Variants in AIG1 observed in about 807,000 individuals in gnomAD.
The protein encoded by AIG1 is androgen-induced gene 1 protein.
AIG1 carries 23 observed loss-of-function variants against 31.4 expected under a neutral mutation model. The ratio of observed to expected loss-of-function variants is 0.73; its 90% CI spans 0.53 to 1.04. AIG1 has a LOEUF of 1.04. Ranked by LOEUF, AIG1 falls within the 50% of genes least tolerant of loss-of-function variation. AIG1 has a pLI of 0.00. For synonymous variants in AIG1, 100 were observed against 110.5 expected (o/e 0.90, Z 0.60); for missense variants, 274 against 295.0 (o/e 0.93, Z 0.52).
chr6:143,272,191 C>T (rs953307876), intron 3 of AIG1, among the ~76,000 whole-genome samples: 4 of 151,990 alleles, frequency 2.6e-5, no homozygotes, highest in African/African-American at 7.3e-5. Flanking sequence ...AGTGGGAACA[C>T]GAAAAAGAGG....
At position 143,306,847 on chromosome 6, in the gene AIG1, A is replaced by G. The variant is rs531565470; in HGVS notation, c.515+22622A>G. ...TCACTTTCAGGTACACCAATCAGACATAGATTTGGTCTTTTCACATAGTCC... is the reference window on the plus strand; with the variant it reads ...TCACTTTCAGGTACACCAATCAGACGTAGATTTGGTCTTTTCACATAGTCC... On this transcript the variant is annotated intron_variant, in intron 4 of 5. Transcript: ENST00000357847. 4.2e-3 allele frequency among the ~76,000 whole-genome samples: 632 copies of G among 152,266 alleles called. 8 individuals are homozygous for G. The highest frequency in any genetic ancestry group is 0.015 in the African/African-American group (609 of 41,526).
At chr6:143,114,587 T>G (rs1781583446) in intron 1 of AIG1, among the ~76,000 whole-genome samples, 1 of 152,238 alleles carries the variant, frequency 6.6e-6, no homozygotes, top group Non-Finnish European at 1.5e-5. Flanking sequence ...ACAATTGGAA[T>G]AAAACGTTCA....
chr6:143,148,191 T>A (rs895559610), intron 2 of AIG1, among the ~76,000 whole-genome samples: 1 of 151,888 alleles, frequency 6.6e-6, no homozygotes, highest in Non-Finnish European at 1.5e-5. Context: ...ACAGCAGTGG[T>A]CCCATAAGAT....
intron 3 of AIG1, among the ~76,000 whole-genome samples, chr6:143,177,241 C>A (rs1012649469): frequency 1.3e-5 from 2 of 152,086 alleles, no homozygotes; most frequent in African/African-American, 4.8e-5. Flanking sequence ...TCTCTCGTAT[C>A]TTCCCAGGTT....
intron 1 of AIG1, among the ~76,000 whole-genome samples, chr6:143,133,496 A>G (rs1204026821): frequency 2.6e-5 from 4 of 152,200 alleles, no homozygotes; most frequent in South Asian, 2.1e-4. Context: ...TTCCCCTCCA[A>G]TTGAGTTTGG....
intron 1 of AIG1, among the ~76,000 whole-genome samples, chr6:143,122,962 G>A (rs1782370046): frequency 6.6e-6 from 1 of 151,982 alleles, no homozygotes; most frequent in South Asian, 2.1e-4. Flanking sequence ...TACCCTCAGT[G>A]CCCCAGTGTC....
intron 3 of AIG1, among the ~76,000 whole-genome samples, chr6:143,238,268 C>T (rs1364216610): frequency 6.6e-6 from 1 of 152,150 alleles, no homozygotes; most frequent in Non-Finnish European, 1.5e-5. Flanking sequence ...TTCCTATCAC[C>T]ACCCTTAGTG....
intron 1 of AIG1, among the ~76,000 whole-genome samples, chr6:143,130,945 C>T (rs1173436709): frequency 6.6e-6 from 1 of 152,160 alleles, no homozygotes; most frequent in African/African-American, 2.4e-5. Context: ...CATCATTTAG[C>T]TGTCTCAGTT....
chr6:143,308,226 ACT>A (rs1369879137), intron 4 of AIG1, among the ~76,000 whole-genome samples: 1 of 152,174 alleles, frequency 6.6e-6, no homozygotes, highest in Non-Finnish European at 1.5e-5. Flanking sequence ...TCCTGTGCCC[ACT>A]GTCTGGCACT....
chr6:143,181,254 G>A (rs1030609620), intron 3 of AIG1, among the ~76,000 whole-genome samples: 2 of 152,128 alleles, frequency 1.3e-5, no homozygotes, highest in Admixed American at 6.5e-5. Context: ...GTAAGAAACT[G>A]GAACAGAGAT....
At chr6:143,310,039 A>G (rs769594598) in intron 4 of AIG1, among the ~76,000 whole-genome samples, 17 of 151,980 alleles carry the variant, frequency 1.1e-4, no homozygotes, top group Admixed American at 2.0e-4. Context: ...CATATCCACT[A>G]TTATAATTGG....
chr6:143,107,490 T>C (rs1780906492), intron 1 of AIG1, among the ~76,000 whole-genome samples: 1 of 152,138 alleles, frequency 6.6e-6, no homozygotes, highest in Non-Finnish European at 1.5e-5. Context: ...ATTTTTAAAC[T>C]ATAAGTGAAA....
intron 4 of AIG1, among the ~76,000 whole-genome samples, chr6:143,322,471 A>G (rs1776290659): frequency 6.6e-6 from 1 of 152,160 alleles, no homozygotes; most frequent in Non-Finnish European, 1.5e-5. Flanking sequence ...CATGTTCCCT[A>G]CAATGTTCGA....
At chr6:143,187,811 A>T (rs1165560661) in intron 3 of AIG1, 17 of 1,494,456 alleles carry the variant, frequency 1.1e-5, no homozygotes, top group East Asian at 2.5e-5. Flanking sequence ...TGCCAAGTTG[A>T]TGAAATACGG....
chr6:143,148,224 GAC>G (rs1784866722), intron 2 of AIG1, among the ~76,000 whole-genome samples: 1 of 151,364 alleles, frequency 6.6e-6, no homozygotes, highest in Non-Finnish European at 1.5e-5. Flanking sequence ...TTATGGACTG[GAC>G]ATGGCGGCTC....
chr6:143,190,462 T>C, intron 3 of AIG1: 1 of 985,448 alleles, frequency 1.0e-6, no homozygotes, highest in Non-Finnish European at 1.2e-6. Flanking sequence ...AGGGAGCTTA[T>C]CATTATTTAG....
At chr6:143,074,126 T>A (rs759245768) in intron 1 of AIG1, among the ~76,000 whole-genome samples, 11 of 152,256 alleles carry the variant, frequency 7.2e-5, no homozygotes, top group Non-Finnish European at 1.6e-4. Context: ...CAGTTCTTTA[T>A]GAATTTTAGA....
chr6:143,177,936 T>A (rs1788326762), intron 3 of AIG1, among the ~76,000 whole-genome samples: 1 of 152,128 alleles, frequency 6.6e-6, no homozygotes, highest in Non-Finnish European at 1.5e-5. Flanking sequence ...CATGTGTGGG[T>A]GTGCAGCAGT....
chr6:143,128,178 C>G (rs1226144749), intron 1 of AIG1, among the ~76,000 whole-genome samples: 7 of 152,118 alleles, frequency 4.6e-5, no homozygotes, highest in Non-Finnish European at 7.4e-5. Flanking sequence ...TTAATTTAAT[C>G]AAAACCAATT....
Sources: gnomAD v4.1 joint callset for allele counts (sites outside exome capture counted in the v4.1 genomes callset) on GRCh38, gnomAD v4.1.1 for gene constraint, MANE v1.5 for transcripts, NCBI Gene and HGNC (gene_info 2026-07-23, HGNC 2026-07-21) for gene names.